The following RBFOX1 variants were observed in gnomAD, a reference collection of about 807,000 sequenced individuals.
RBFOX1 encodes RNA binding protein fox-1 homolog 1.
Under a neutral mutation model 57.7 loss-of-function variants are expected in RBFOX1, and 8 were observed. The observed-to-expected ratio is 0.14, with a 90% confidence interval of 0.08 to 0.25. The LOEUF is 0.25. Among genes scored for constraint, RBFOX1 ranks in the 10% least tolerant of loss-of-function variants. The probability of loss-of-function intolerance (pLI) is 1.00; values close to 1 mark genes in which losing one functional copy is unlikely to be tolerated. For synonymous variants in RBFOX1, 326 were observed against 222.4 expected (o/e 1.47, Z -4.15); for missense variants, 611 against 548.5 (o/e 1.11, Z -1.14).
chr16:7,233,133 C>G (rs1252818620), intron 4 of RBFOX1, among the ~76,000 whole-genome samples: 1 of 152,020 alleles, frequency 6.6e-6, no homozygotes, highest in Non-Finnish European at 1.5e-5. Flanking sequence ...GTTAAAAACC[C>G]CACTGTACTT....
At chr16:7,167,494 C>A (rs1004098117) in intron 4 of RBFOX1, among the ~76,000 whole-genome samples, 3 of 152,076 alleles carry the variant, frequency 2.0e-5, no homozygotes, top group Admixed American at 6.5e-5. Flanking sequence ...GCCAGGACCA[C>A]CAGAAACTGG....
intron 3 of RBFOX1, among the ~76,000 whole-genome samples, chr16:6,982,595 C>T (rs1417982984): frequency 6.6e-6 from 1 of 152,204 alleles, no homozygotes. Context: ...ATGAGTTGAA[C>T]AGTTGTTTGT....
At position 7,579,818 on chromosome 16, in the gene RBFOX1, A is replaced by G; in HGVS notation, c.312A>G (p.Thr104=). 4 of 1,614,114 alleles carry G rather than the reference A, an allele frequency of 2.5e-6. No homozygotes were observed. Among genetic ancestry groups the G allele is most frequent in the South Asian group, 1.1e-5 (1 of 91,086 alleles). The change falls in exon 6 of 16, where the codon ACA becomes ACG. Residue 104 remains threonine (T), a synonymous_variant. Transcript: ENST00000550418. Reference sequence around the variant, plus strand: ...CACCGACGGATGGCCAGCCCCAGACACAACCTTCTGAAAACACGGAAAACA... The same window carrying G: ...CACCGACGGATGGCCAGCCCCAGACGCAACCTTCTGAAAACACGGAAAACA... ...DAAPTDGQPQ[T]QPSENTENKS...
intron 3 of RBFOX1, among the ~76,000 whole-genome samples, chr16:6,949,500 C>CAT (rs2080250130): frequency 6.6e-6 from 1 of 152,170 alleles, no homozygotes; most frequent in Non-Finnish European, 1.5e-5. Flanking sequence ...AAAGCCAGAG[C>CAT]ATTGGCAGGG....
chr16:5,581,260 G>T (rs2046656148), intron 2 of RBFOX1, among the ~76,000 whole-genome samples: 1 of 152,182 alleles, frequency 6.6e-6, no homozygotes, highest in South Asian at 2.1e-4. Context: ...ATGTGCCAGG[G>T]ACTGTGCTAA....
At chr16:7,547,602 G>A (rs903718876) in intron 5 of RBFOX1, among the ~76,000 whole-genome samples, 1 of 152,164 alleles carries the variant, frequency 6.6e-6, no homozygotes, top group Non-Finnish European at 1.5e-5. Flanking sequence ...TGCTGGCAGT[G>A]TTAGAATCAG....
chr16:7,319,201 G>C (rs1024936530), intron 4 of RBFOX1, among the ~76,000 whole-genome samples: 29 of 152,124 alleles, frequency 1.9e-4, no homozygotes, highest in African/African-American at 7.0e-4. Context: ...TGAGGTCTGT[G>C]CCGTAATCCT....
At chr16:6,979,359 A>C (rs923608111) in intron 3 of RBFOX1, among the ~76,000 whole-genome samples, 1 of 143,044 alleles carries the variant, frequency 7.0e-6, no homozygotes, top group Non-Finnish European at 1.5e-5. Context: ...TGTAATTATG[A>C]AAACATTAGT....
chr16:6,751,348 C>A (rs983597462), intron 3 of RBFOX1, among the ~76,000 whole-genome samples: 1 of 152,058 alleles, frequency 6.6e-6, no homozygotes, highest in Non-Finnish European at 1.5e-5. Context: ...AATGAATGGA[C>A]TGAAAATGTA....
chr16:5,838,074 C>T (rs2056516608), intron 3 of RBFOX1: 1 of 152,882 alleles, frequency 6.5e-6, no homozygotes, highest in African/African-American at 2.4e-5. Flanking sequence ...ACATAATTCT[C>T]TTTACTACAT....
At chr16:6,767,697 C>G (rs986732188) in intron 3 of RBFOX1, among the ~76,000 whole-genome samples, 1 of 151,722 alleles carries the variant, frequency 6.6e-6, no homozygotes, top group Non-Finnish European at 1.5e-5. Context: ...GGGCAGATCA[C>G]GAGATCAGGA....
At position 5,292,629 on chromosome 16, in the gene RBFOX1, G is replaced by T. The variant is rs79588452; in HGVS notation, c.219+52524G>T. ...TCTAGTTTGGTGTTCATATCAGAGG[G>T]ATTTATTTATTTATTTATTTAATCT... On this transcript the variant is annotated intron_variant, in intron 1 of 2. Transcript: ENST00000585867. Among the ~76,000 whole-genome samples the T allele has an allele frequency of 0.014, 2,120 of 150,424 alleles. 111 individuals carry two copies. The East Asian group carries it at 0.19, about 14-fold the overall frequency.
intron 4 of RBFOX1, among the ~76,000 whole-genome samples, chr16:7,060,411 A>G (rs752043660): frequency 4.6e-5 from 7 of 152,200 alleles, no homozygotes; most frequent in Non-Finnish European, 1.0e-4. Context: ...TCAAAGATCA[A>G]TAAATGCATG....
At chr16:7,680,181 C>G (rs1007860416) in intron 14 of RBFOX1, among the ~76,000 whole-genome samples, 2 of 152,106 alleles carry the variant, frequency 1.3e-5, no homozygotes, top group Non-Finnish European at 1.5e-5. Context: ...TTGAATTAAG[C>G]CTGGGGGCAG....
Position 6,746,327 on chromosome 16 carries a change from A to G in RBFOX1, c.-16+91677A>G, listed in dbSNP as rs553922852. ...GGCCAAAATATCTTTGAAAAAAACA[A>G]TTTGGGAAGATGAATACTGTATGAT... On this transcript the variant is annotated intron_variant, in intron 3 of 15. Coordinates refer to ENST00000550418, the MANE Select transcript of RBFOX1 (RefSeq NM_018723.4). Among the ~76,000 whole-genome samples, 7 of 152,280 alleles carry G rather than the reference A, an allele frequency of 4.6e-5. 1 individual carries two copies. Among genetic ancestry groups the G allele is most frequent in the African/African-American group, 9.6e-5 (4 of 41,564 alleles).
In RBFOX1 at chr16:6,924,295, C is replaced by T. The variant is rs187504591; in HGVS notation, c.-15-127762C>T. ...AGTTATGGCTCCAGCATCTGCTCTGCTTCTGGTGAGGCCTCAGGGAGGTTC... is the reference window on the plus strand; with the variant it reads ...AGTTATGGCTCCAGCATCTGCTCTGTTTCTGGTGAGGCCTCAGGGAGGTTC... On this transcript the variant is annotated intron_variant, in intron 3 of 15. Transcript: ENST00000550418. Among the ~76,000 whole-genome samples, 347 of 152,212 alleles carry T rather than the reference C, an allele frequency of 2.3e-3. 1 individual carries two copies. The highest frequency in any genetic ancestry group is 6.8e-3 in the Middle Eastern group (2 of 294).
chr16:6,697,978 T>A (rs1323253174), intron 3 of RBFOX1, among the ~76,000 whole-genome samples: 1 of 152,204 alleles, frequency 6.6e-6, no homozygotes, highest in Non-Finnish European at 1.5e-5. Flanking sequence ...GTCTATGGTA[T>A]GTACTTATGT....
At chr16:5,551,346 G>A (rs1231777705) in intron 2 of RBFOX1, among the ~76,000 whole-genome samples, 1 of 152,138 alleles carries the variant, frequency 6.6e-6, no homozygotes, top group African/African-American at 2.4e-5. Flanking sequence ...CATGTGCGAG[G>A]CTCCCTGAAG....
chr16:5,242,699 C>T (rs1055732677), intron 1 of RBFOX1, among the ~76,000 whole-genome samples: 6 of 152,070 alleles, frequency 3.9e-5, no homozygotes, highest in African/African-American at 1.4e-4. Context: ...TCTTTAATAG[C>T]AGATTATTTT....
Sources: allele counts gnomAD v4.1 joint callset (sites outside exome capture counted in the v4.1 genomes callset), GRCh38; gene constraint gnomAD v4.1.1; transcripts MANE v1.5; gene names NCBI Gene and HGNC (gene_info 2026-07-23, HGNC 2026-07-21).